Variants in CHRNA9 observed in about 807,000 individuals in gnomAD.
CHRNA9 encodes neuronal acetylcholine receptor subunit alpha-9.
Under a neutral mutation model 36.8 loss-of-function variants are expected in CHRNA9, and 24 were observed. That is an observed-to-expected ratio of 0.65 (90% confidence interval 0.47 to 0.92). The LOEUF is 0.92. CHRNA9 is among the 40% of genes least tolerant of loss of function. The pLI is 0.00. For synonymous variants in CHRNA9, 231 were observed against 231.8 expected (o/e 1.00, Z 0.03); for missense variants, 610 against 601.2 (o/e 1.01, Z -0.15).
At chr4:40,352,639 CAAT>C (rs144898414) in intron 4 of CHRNA9, among the ~76,000 whole-genome samples, 19,094 of 152,024 alleles carry the variant, frequency 0.13, 1,213 homozygotes, top group Middle Eastern at 0.15. Flanking sequence ...AAAAGTTTAT[CAAT>C]TTTATTACTC....
In CHRNA9 at chr4:40,337,238, A is replaced by G; in HGVS notation, c.239A>G (p.Tyr80Cys). The G allele has an allele frequency of 6.2e-7, 1 of 1,614,222 alleles. No homozygotes were observed. Among genetic ancestry groups the G allele is most frequent in the South Asian group, 1.1e-5 (1 of 91,076 alleles). ...GAAAGAAACCAAATTCTGACTGCTT[A>G]TTTGTGGATCCGCCAAATCTGGCAC... ...MDERNQILTA[Y>C]LWIRQIWHDA... The change falls in exon 3 of 5, where the codon TAT (tyrosine) becomes TGT (cysteine). Residue 80 changes from tyrosine to cysteine, a missense_variant. Transcript: ENST00000310169.
rs1266694155 is a variant in CHRNA9 at position 40,349,209 on chromosome 4, C to T, written c.693C>T (p.Leu231=). The T allele has an allele frequency of 1.2e-6, 2 of 1,614,082 alleles. No individual in the cohort carries two copies. Among genetic ancestry groups the T allele is most frequent in the Non-Finnish European group, 1.7e-6 (2 of 1,180,042 alleles). ...SEPYPDVTFT[L]LLKRRSSFYI... ...CTTACCCGGATGTCACATTCACCCT[C>T]CTTCTGAAGAGGAGGTCCTCGTTCT... Residue 231 remains leucine (L), a synonymous_variant, in exon 4 of 5, where the codon CTC becomes CTT. Transcript: ENST00000310169.
In CHRNA9 at chr4:40,349,143, C is replaced by T. The variant is rs776603617; in HGVS notation, c.627C>T (p.Pro209=). The stretch of plus-strand genomic sequence containing the variant: ...TGGAATGGGAGGTCCATGGCATGCC[C>T]GCTGTGAAGAATGTGATCTCCTATG... ...EDVEWEVHGM[P]AVKNVISYGC... is the part of the protein sequence containing the mutation. Residue 209 remains proline (P), a synonymous_variant, in exon 4 of 5, where the codon CCC becomes CCT. Coordinates refer to ENST00000310169, the MANE Select transcript of CHRNA9 (RefSeq NM_017581.4). The T allele has an allele frequency of 1.6e-5, 26 of 1,614,002 alleles. No individual in the cohort carries two copies. Among genetic ancestry groups the T allele is most frequent in the South Asian group, 5.5e-5 (5 of 91,090 alleles).
Position 40,335,967 on chromosome 4 carries a change from G to GA in CHRNA9, c.206dup (p.Asp69GlufsTer4). Reference sequence around the variant, plus strand: ...GCAGATTACGCTCTCTCAGATTAAGGATATGGTGAGTAACACATGGTGCTG... The same window carrying GA: ...GCAGATTACGCTCTCTCAGATTAAGGAATATGGTGAGTAACACATGGTGCTG... On this transcript the variant is annotated frameshift_variant, in exon 2 of 5. Coordinates refer to ENST00000310169, the MANE Select transcript of CHRNA9 (RefSeq NM_017581.4). LOFTEE classifies it high-confidence loss of function. The GA allele has an allele frequency of 6.2e-7, 1 of 1,612,288 alleles. No homozygotes were observed. Among genetic ancestry groups the GA allele is most frequent in the Non-Finnish European group, 8.5e-7 (1 of 1,178,400 alleles).
At chr4:40,349,572 C>T (rs75201345) in intron 4 of CHRNA9, 158 bp downstream of exon 4, 1 of 657,318 alleles carries the variant, frequency 1.5e-6, no homozygotes, top group Non-Finnish European at 2.6e-6. Context: ...TAGCATCTTT[C>T]AATATAGATG....
chr4:40,335,489 A>G lies in CHRNA9; in HGVS notation c.22A>G (p.Ile8Val), dbSNP rs759515119. The G allele has an allele frequency of 2.5e-6, 4 of 1,613,780 alleles. No individual in the cohort carries two copies. Among genetic ancestry groups the G allele is most frequent in the East Asian group, 2.2e-5 (1 of 44,886 alleles). ...AAAGATGAACTGGTCCCATTCCTGC[A>G]TCTCCTTTTGCTGGATCTACTTTGC... MNWSHSC[I>V]SFCWIYFAAS... The change falls in exon 1 of 5, where the codon ATC becomes GTC. Residue 8 changes from isoleucine (I) to valine (V), a missense_variant. Transcript: ENST00000310169.
Position 40,354,354 on chromosome 4 carries a change from C to G in CHRNA9, c.1274C>G (p.Thr425Arg). The G allele has an allele frequency of 6.2e-7, 1 of 1,614,096 alleles. No homozygotes were observed. Among genetic ancestry groups the G allele is most frequent in the Non-Finnish European group, 8.5e-7 (1 of 1,180,026 alleles). ...ESYCAQYKVL[T>R]RNIEYIAKCL... is the part of the protein sequence containing the mutation. ...TACTGTGCACAGTACAAAGTGCTGA[C>G]GAGGAATATTGAGTACATCGCCAAG... Residue 425 changes from threonine to arginine, a missense_variant, in exon 5 of 5, where the codon ACG becomes AGG. By Grantham distance (71) the Thr-to-Arg change is moderately conservative (BLOSUM62 -1). Transcript: ENST00000310169.
At chr4:40,343,843 T>C (rs566449599) in intron 3 of CHRNA9, among the ~76,000 whole-genome samples, 1 of 152,252 alleles carries the variant, frequency 6.6e-6, no homozygotes, top group South Asian at 2.1e-4. Flanking sequence ...CTTTACAAAG[T>C]GTGATAGATA....
At chr4:40,340,988 A>G (rs1398308205) in intron 3 of CHRNA9, among the ~76,000 whole-genome samples, 2 of 151,712 alleles carry the variant, frequency 1.3e-5, no homozygotes, top group Admixed American at 6.6e-5. Flanking sequence ...AAAAAAAAAA[A>G]AAAAAGAACA....
intron 3 of CHRNA9, among the ~76,000 whole-genome samples, chr4:40,341,768 T>G (rs949110959): frequency 2.6e-5 from 4 of 152,234 alleles, no homozygotes; most frequent in African/African-American, 7.2e-5. Context: ...ATTTGTGCAT[T>G]TTGTCCAATT....
chr4:40,339,258 G>A (rs145551862), intron 3 of CHRNA9, among the ~76,000 whole-genome samples: 1,689 of 116,306 alleles, frequency 0.015, 41 homozygotes, highest in African/African-American at 0.048. Context: ...CAGCCTGGGC[G>A]ACAAGAGCGA....
chr4:40,336,695 T>C (rs1263715860), intron 2 of CHRNA9, among the ~76,000 whole-genome samples: 1 of 152,080 alleles, frequency 6.6e-6, no homozygotes, highest in East Asian at 1.9e-4. Context: ...TTAGTCAGGA[T>C]GGTCTCAATC....
intron 3 of CHRNA9, among the ~76,000 whole-genome samples, chr4:40,345,976 C>T (rs1306425430): frequency 6.6e-6 from 1 of 152,194 alleles, no homozygotes; most frequent in African/African-American, 2.4e-5. Flanking sequence ...AGTTAACTGA[C>T]ATGGCGCCAC....
intron 3 of CHRNA9, among the ~76,000 whole-genome samples, chr4:40,338,617 C>G (rs910793311): frequency 6.6e-6 from 1 of 152,062 alleles, no homozygotes; most frequent in Non-Finnish European, 1.5e-5. Flanking sequence ...GGAAGCAGCA[C>G]GGGTGGGTTG....
chr4:40,352,795 A>G (rs977389319), intron 4 of CHRNA9, among the ~76,000 whole-genome samples: 21 of 152,170 alleles, frequency 1.4e-4, no homozygotes, highest in Admixed American at 1.4e-3. Context: ...CATTTTGAAG[A>G]CTAATAGTGA....
chr4:40,337,778 C>T (rs1712370757), intron 3 of CHRNA9, among the ~76,000 whole-genome samples: 1 of 152,162 alleles, frequency 6.6e-6, no homozygotes, highest in Admixed American at 6.5e-5. Flanking sequence ...TCTCTTCTAG[C>T]TAATGGTGGT....
chr4:40,337,947 G>A (rs962362923), intron 3 of CHRNA9: 5 of 152,288 alleles, frequency 3.3e-5, no homozygotes, highest in South Asian at 2.1e-4. Context: ...CTACTCCAGC[G>A]TGACTTCATC....
chr4:40,349,604 G>A (rs1321845042), intron 4 of CHRNA9, 190 bp downstream of exon 4: 9 of 580,606 alleles, frequency 1.6e-5, no homozygotes, highest in Non-Finnish European at 2.1e-5. Flanking sequence ...ATCAAAACTG[G>A]TCTTATGGTC....
In CHRNA9 at chr4:40,349,192, G is replaced by A; in HGVS notation, c.676G>A (p.Asp226Asn). 1 of 1,614,142 alleles carries A rather than the reference G, an allele frequency of 6.2e-7. No individual in the cohort carries two copies. The highest frequency in any genetic ancestry group is 8.5e-7 in the Non-Finnish European group (1 of 1,180,028). ...TGGCTGCTGCTCTGAGCCTTACCCG[G>A]ATGTCACATTCACCCTCCTTCTGAA... The part of the protein sequence containing the change: ...SYGCCSEPYP[D>N]VTFTLLLKRR... The change falls in exon 4 of 5, where the codon GAT becomes AAT. Residue 226 changes from aspartate (D) to asparagine (N), a missense_variant. Physicochemically the swap from Asp to Asn is conservative, Grantham distance 23. Coordinates refer to ENST00000310169, the MANE Select transcript of CHRNA9 (RefSeq NM_017581.4).
Sources: allele counts gnomAD v4.1 joint callset (sites outside exome capture counted in the v4.1 genomes callset), GRCh38; gene constraint gnomAD v4.1.1; transcripts MANE v1.5; gene names NCBI Gene and HGNC (gene_info 2026-07-23, HGNC 2026-07-21).